Variants in RGS3 observed in about 807,000 individuals in gnomAD.
RGS3 encodes the protein regulator of G protein signaling 3.
RGS3 carries 80 observed loss-of-function variants against 132.6 expected under a neutral mutation model. That is an observed-to-expected ratio of 0.60 (90% confidence interval 0.50 to 0.73). The LOEUF (loss-of-function observed/expected upper bound fraction) is 0.73, where lower values mean the gene tolerates loss of function less well. RGS3 is among the 30% of genes least tolerant of loss of function. The pLI, the probability that RGS3 is intolerant of heterozygous loss-of-function variation, is 0.00. For missense variants in RGS3, 1,382 were observed against 1,530.8 expected (o/e 0.90, Z 1.62); for synonymous variants, 598 against 620.6 (o/e 0.96, Z 0.54).
chr9:113,590,426 A>G (rs1835360856), intron 20 of RGS3, among the ~76,000 whole-genome samples: 1 of 102,762 alleles, frequency 9.7e-6, no homozygotes, highest in Non-Finnish European at 1.8e-5. Flanking sequence ...CCATCCATCT[A>G]TTCACCCATG....
At chr9:113,588,795 C>T (rs1285407678) in intron 20 of RGS3, among the ~76,000 whole-genome samples, 1 of 152,254 alleles carries the variant, frequency 6.6e-6, no homozygotes, top group Non-Finnish European at 1.5e-5. Flanking sequence ...ATCCTCACCA[C>T]AGCCCTTTGA....
intron 20 of RGS3, among the ~76,000 whole-genome samples, chr9:113,590,801 A>G (rs191478529): frequency 1.2e-4 from 18 of 152,268 alleles, no homozygotes; most frequent in African/African-American, 4.3e-4. Flanking sequence ...CGGAGTTTGA[A>G]TGTTATCCCG....
intron 19 of RGS3, among the ~76,000 whole-genome samples, chr9:113,552,659 CT>C (rs1464607745): frequency 2.0e-5 from 3 of 152,120 alleles, no homozygotes; most frequent in Non-Finnish European, 4.4e-5. Flanking sequence ...CTCCCTGCCC[CT>C]CCCAAAAATA....
chr9:113,594,456 G>A, exon 22 of RGS3: 2 of 1,613,822 alleles, frequency 1.2e-6, no homozygotes, highest in South Asian at 1.1e-5. Flanking sequence ...AACAAGCTGG[G>A]GATCTTCAGA....
At chr9:113,492,414 A>AC (rs1830548456) in intron 7 of RGS3, among the ~76,000 whole-genome samples, 1 of 152,188 alleles carries the variant, frequency 6.6e-6, no homozygotes. Flanking sequence ...TTCATCTGTC[A>AC]ATCGCACCCT....
chr9:113,562,670 G>C (rs561561133), intron 19 of RGS3, among the ~76,000 whole-genome samples: 1 of 152,092 alleles, frequency 6.6e-6, no homozygotes, highest in South Asian at 2.1e-4. Flanking sequence ...CCCTGGGCCT[G>C]TGGGCCACCT....
rs547538721 is a variant in RGS3 at position 113,591,924 on chromosome 9, G to C, written c.3080+527G>C. On this transcript the variant is annotated intron_variant, in intron 21 of 24. Coordinates refer to ENST00000350696, the Ensembl canonical transcript of RGS3. This position sits in a 1 kb window ranked among gnomAD's most constrained non-coding sequence, Gnocchi z 4.4. ...TTCTTATACTATAGGGTGTTTGTTA[G>C]AGGTGTCAATGAAAAAGATGTGTGT... 2 of 156,420 alleles carry C rather than the reference G, an allele frequency of 1.3e-5. No individual in the cohort carries two copies. The highest frequency in any genetic ancestry group is 4.8e-5 in the African/African-American group (2 of 41,670). 9.7% of individuals were successfully genotyped at this position (156,420 alleles called of 1,614,324 possible). A position where few individuals can be genotyped will look rare whatever the true frequency, so the allele number is the denominator to read the frequency against.
At chr9:113,466,987 A>T (rs1265811489) in intron 3 of RGS3, among the ~76,000 whole-genome samples, 2 of 151,588 alleles carry the variant, frequency 1.3e-5, no homozygotes, top group African/African-American at 4.9e-5. Flanking sequence ...TTTTTTTATG[A>T]CTGACTTCTT....
At chr9:113,470,219 G>C (rs1291095308) in intron 3 of RGS3, among the ~76,000 whole-genome samples, 2 of 152,180 alleles carry the variant, frequency 1.3e-5, no homozygotes, top group Non-Finnish European at 2.9e-5. Context: ...AAAGGATTCT[G>C]CAGCAGTTGG....
chr9:113,499,870 G>A (rs1277294581), intron 10 of RGS3, among the ~76,000 whole-genome samples: 1 of 152,220 alleles, frequency 6.6e-6, no homozygotes, highest in Non-Finnish European at 1.5e-5. Context: ...AAACTTGCCA[G>A]GAGTAACTTG....
Position 113,565,065 on chromosome 9 carries a change from G to A in RGS3, c.2038-18385G>A. ...AGCCTGCTAGGGATCCCAGTGCCAG[G>A]GGGTGCCGTTGTGAGGGATGGACGC... On this transcript the variant is annotated intron_variant, in intron 19 of 24. Coordinates refer to ENST00000350696, the Ensembl canonical transcript of RGS3. This position sits in a 1 kb window ranked among gnomAD's most constrained non-coding sequence, Gnocchi z 5.7. 7 of 1,138,740 alleles carry A rather than the reference G, an allele frequency of 6.1e-6. No individual in the cohort carries two copies. Among genetic ancestry groups the A allele is most frequent in the Non-Finnish European group, 7.6e-6 (7 of 915,570 alleles). 70.5% of individuals were successfully genotyped at this position (1,138,740 alleles called of 1,614,324 possible). A position where few individuals can be genotyped will look rare whatever the true frequency, so the allele number is the denominator to read the frequency against.
At position 113,477,016 on chromosome 9, in the gene RGS3, G is replaced by A. The variant is rs528995313; in HGVS notation, c.416-2475G>A. ...AATTCAACCCATGACTGCGGGCTTCGTTTGCCTGTTTCCAAACCTCTCTCT... is the reference window on the plus strand; with the variant it reads ...AATTCAACCCATGACTGCGGGCTTCATTTGCCTGTTTCCAAACCTCTCTCT... On this transcript the variant is annotated intron_variant, in intron 3 of 24. Coordinates refer to ENST00000350696, the Ensembl canonical transcript of RGS3. Among the ~76,000 whole-genome samples the A allele has an allele frequency of 3.3e-5, 5 of 152,172 alleles. No individual in the cohort carries two copies. In the East Asian group the frequency reaches 9.7e-4, roughly 29 times the overall value.
At position 113,463,264 on chromosome 9, in the gene RGS3, G is replaced by A. The variant is rs113298583; in HGVS notation, c.415+1063G>A. Among the ~76,000 whole-genome samples the A allele has an allele frequency of 3.3e-3, 499 of 152,328 alleles. 3 individuals are homozygous for A. Among genetic ancestry groups the A allele is most frequent in the African/African-American group, 0.011 (473 of 41,572 alleles). Reference sequence around the variant, plus strand: ...GGAAGAGGATGCAGCATGGTGGGGGGCGACCTGTCCAAGCGCAGAGAACAC... The same window carrying A: ...GGAAGAGGATGCAGCATGGTGGGGGACGACCTGTCCAAGCGCAGAGAACAC... On this transcript the variant is annotated intron_variant, in intron 3 of 24. Transcript: ENST00000350696. This position sits in a 1 kb window ranked among gnomAD's most constrained non-coding sequence, Gnocchi z 4.6.
intron 1 of RGS3, among the ~76,000 whole-genome samples, chr9:113,450,906 A>G (rs1325224131): frequency 6.6e-6 from 1 of 152,080 alleles, no homozygotes; most frequent in Non-Finnish European, 1.5e-5. Flanking sequence ...CAGGCCGGGC[A>G]CAGTGGCTCA....
intron 24 of RGS3, 96 bp downstream of exon 22, chr9:113,595,861 G>A: frequency 7.3e-7 from 1 of 1,361,734 alleles, no homozygotes; most frequent in Non-Finnish European, 1.0e-6. Flanking sequence ...GAAGGGGAGA[G>A]GCCAGAATGA....
At position 113,497,327 on chromosome 9, in the gene RGS3, G is replaced by A; in HGVS notation, c.764G>A (p.Trp255Ter). The A allele has an allele frequency of 2.5e-6, 4 of 1,612,670 alleles. No individual in the cohort carries two copies. The highest frequency in any genetic ancestry group is 3.4e-6 in the Non-Finnish European group (4 of 1,179,320). ...CTCTCGTGACAGGAGATCAGTGGTTGGTACTACCTCCTAGGGGAGCACCTG... is the reference window on the plus strand; with the variant it reads ...CTCTCGTGACAGGAGATCAGTGGTTAGTACTACCTCCTAGGGGAGCACCTG... The change falls in exon 9 of 25, where the codon TGG (tryptophan) becomes TAG (stop). Residue 255 changes from tryptophan (W) to a stop codon, truncating the protein, a stop_gained. Transcript: ENST00000350696. LOFTEE classifies it high-confidence loss of function.
At chr9:113,457,436 G>A (rs1432243177), upstream of RGS3, among the ~76,000 whole-genome samples, 1 of 152,122 alleles carries the variant, frequency 6.6e-6, no homozygotes, top group Admixed American at 6.5e-5. Flanking sequence ...TCTCCCACTT[G>A]ACTATAAACT....
At chr9:113,501,693 T>C in intron 10 of RGS3, 1 of 1,471,444 alleles carries the variant, frequency 6.8e-7, no homozygotes, top group Non-Finnish European at 9.2e-7. Context: ...AGAGGGACCA[T>C]CTGAGAAGGA....
Position 113,517,524 on chromosome 9 carries a change from G to A in RGS3, c.1675-17G>A. The A allele has an allele frequency of 1.2e-6, 2 of 1,610,574 alleles. No homozygotes were observed. Among genetic ancestry groups the A allele is most frequent in the Admixed American group, 1.7e-5 (1 of 59,840 alleles). On this transcript the variant is annotated splice_polypyrimidine_tract_variant and intron_variant, in intron 15 of 24. Coordinates refer to ENST00000350696, the Ensembl canonical transcript of RGS3. ...AGCCTCTTTTTGAACTGCCCACTCA[G>A]CCTGCTTTATTTCCAGCCTCTAGAT...
Sources: allele counts gnomAD v4.1 joint callset (sites outside exome capture counted in the v4.1 genomes callset), GRCh38; gene constraint gnomAD v4.1.1; non-coding constraint Gnocchi (gnomAD v3.1); transcripts MANE v1.5; gene names NCBI Gene and HGNC (gene_info 2026-07-23, HGNC 2026-07-21).